VSNL1: variants seen among roughly 807,000 people sequenced by gnomAD.
The protein encoded by VSNL1 is visinin like 1.
VSNL1 carries 6 observed loss-of-function variants against 20.4 expected under a neutral mutation model. The observed-to-expected ratio is 0.29, with a 90% CI of 0.16 to 0.58. The LOEUF (loss-of-function observed/expected upper bound fraction) is 0.58. Ranked by LOEUF, VSNL1 falls within the 20% of genes least tolerant of loss-of-function variation. VSNL1 has a pLI of 0.90. For synonymous variants in VSNL1, 93 were observed against 86.4 expected (o/e 1.08, Z -0.42); for missense variants, 100 against 234.5 (o/e 0.43, Z 3.75).
At chr2:17,621,174 C>T (rs1457787777) in intron 2 of VSNL1, among the ~76,000 whole-genome samples, 1 of 152,136 alleles carries the variant, frequency 6.6e-6, no homozygotes, top group Non-Finnish European at 1.5e-5. Flanking sequence ...TAAAAATCAG[C>T]AGTTTCTTTC....
At chr2:17,652,209 C>G (rs60230255) in intron 3 of VSNL1, among the ~76,000 whole-genome samples, 53,770 of 151,802 alleles carry the variant, frequency 0.35, 10,393 homozygotes, top group African/African-American at 0.48. Flanking sequence ...AAGAGGTTTC[C>G]AGAGGACTGA....
At chr2:17,551,132 G>A (rs544978931) in intron 1 of VSNL1, among the ~76,000 whole-genome samples, 8 of 152,102 alleles carry the variant, frequency 5.3e-5, no homozygotes, top group Non-Finnish European at 1.2e-4. Flanking sequence ...TAATGGCAAA[G>A]CATTTGGGCA....
chr2:17,544,077 C>T (rs1162563783), intron 1 of VSNL1, among the ~76,000 whole-genome samples: 1 of 152,126 alleles, frequency 6.6e-6, no homozygotes, highest in Non-Finnish European at 1.5e-5. Context: ...AAAGGAGGAG[C>T]TTGATGATTG....
intron 1 of VSNL1, among the ~76,000 whole-genome samples, chr2:17,555,727 G>A (rs971185267): frequency 2.0e-5 from 3 of 152,054 alleles, no homozygotes; most frequent in East Asian, 1.9e-4. Context: ...TAAGTAGAAG[G>A]CTCTTGGGTT....
rs1177420634 is a variant in VSNL1, at chr2:17,649,903, A to G, written c.378+278A>G. Among the ~76,000 whole-genome samples the G allele has an allele frequency of 6.6e-6, 1 of 152,158 alleles. No individual in the cohort carries two copies. The highest frequency in any genetic ancestry group is 1.5e-5 in the Non-Finnish European group (1 of 68,022). On this transcript the variant is annotated intron_variant, in intron 3 of 3. Transcript: ENST00000295156. The surrounding 1 kb of genome is among the most constrained non-coding windows in gnomAD (Gnocchi z 6.4). The stretch of plus-strand genomic sequence containing the variant: ...GAACCTGTCTTACTGTGCACACAGG[A>G]TGTCATGGGCTGTTTCTCTGGCACT...
chr2:17,651,204 C>T (rs2103432053), intron 3 of VSNL1, among the ~76,000 whole-genome samples: 1 of 152,312 alleles, frequency 6.6e-6, no homozygotes, highest in Admixed American at 6.5e-5. Context: ...TTGTCAATGC[C>T]CTTCAGCCAA....
At chr2:17,585,495 A>T (rs1412264127) in intron 1 of VSNL1, among the ~76,000 whole-genome samples, 1 of 151,100 alleles carries the variant, frequency 6.6e-6, no homozygotes, top group Non-Finnish European at 1.5e-5. Flanking sequence ...ATAGGATCCA[A>T]GGGGGTGGTG....
At chr2:17,621,609 C>T (rs1665361320) in intron 2 of VSNL1, among the ~76,000 whole-genome samples, 1 of 152,094 alleles carries the variant, frequency 6.6e-6, no homozygotes, top group South Asian at 2.1e-4. Flanking sequence ...TAGGCATGAG[C>T]CACCGTGCCT....
At chr2:17,559,333 T>G (rs924293581) in intron 1 of VSNL1, among the ~76,000 whole-genome samples, 1 of 151,158 alleles carries the variant, frequency 6.6e-6, no homozygotes, top group African/African-American at 2.4e-5. Context: ...GTACTAGTAA[T>G]AAAATTTTAA....
chr2:17,566,870 G>T (rs1663958903), intron 1 of VSNL1, among the ~76,000 whole-genome samples: 1 of 152,052 alleles, frequency 6.6e-6, no homozygotes, highest in Admixed American at 6.5e-5. Context: ...CAGTTTTATT[G>T]AATATATTTT....
At chr2:17,597,199 A>G (rs1315923001) in intron 2 of VSNL1, among the ~76,000 whole-genome samples, 1 of 152,178 alleles carries the variant, frequency 6.6e-6, no homozygotes, top group African/African-American at 2.4e-5. Flanking sequence ...GGATTCTTAG[A>G]CACCGAACTC....
At chr2:17,609,376 A>C (rs1159269474) in intron 2 of VSNL1, among the ~76,000 whole-genome samples, 1 of 152,216 alleles carries the variant, frequency 6.6e-6, no homozygotes, top group Non-Finnish European at 1.5e-5. Flanking sequence ...GCCGCAGAGA[A>C]CACTGGAAAA....
intron 2 of VSNL1, among the ~76,000 whole-genome samples, chr2:17,627,465 G>A (rs1665538887): frequency 6.6e-6 from 1 of 152,200 alleles, no homozygotes; most frequent in Non-Finnish European, 1.5e-5. Flanking sequence ...TGCAGGAGAT[G>A]AGTTTTATTA....
intron 1 of VSNL1, among the ~76,000 whole-genome samples, chr2:17,560,102 A>G (rs1663779117): frequency 6.6e-6 from 1 of 151,694 alleles, no homozygotes; most frequent in Non-Finnish European, 1.5e-5. Context: ...TTTAGGATTA[A>G]AAAATGAAAG....
chr2:17,546,030 A>G (rs573372736), intron 1 of VSNL1: 2 of 152,080 alleles, frequency 1.3e-5, no homozygotes, highest in South Asian at 4.2e-4. Flanking sequence ...CCAGGTGAGC[A>G]TTCTATTTCC....
intron 1 of VSNL1, among the ~76,000 whole-genome samples, chr2:17,584,311 G>C (rs1664417890): frequency 6.6e-6 from 1 of 152,072 alleles, no homozygotes; most frequent in Non-Finnish European, 1.5e-5. Flanking sequence ...ATAGCACCTG[G>C]GTATCAAGTA....
At chr2:17,626,820 G>A (rs756646872) in intron 2 of VSNL1, among the ~76,000 whole-genome samples, 4 of 152,158 alleles carry the variant, frequency 2.6e-5, no homozygotes, top group Non-Finnish European at 5.9e-5. Flanking sequence ...GCCTCACTAA[G>A]ATACTCAGAA....
chr2:17,589,306 C>T (rs375587239), intron 1 of VSNL1, among the ~76,000 whole-genome samples: 1 of 152,110 alleles, frequency 6.6e-6, no homozygotes, highest in Non-Finnish European at 1.5e-5. Context: ...TATAAGTAGG[C>T]AGGACCTGAG....
intron 2 of VSNL1, among the ~76,000 whole-genome samples, chr2:17,616,635 T>C (rs1450606485): frequency 6.6e-6 from 1 of 152,252 alleles, no homozygotes; most frequent in South Asian, 2.1e-4. Context: ...TTGCAGTTAC[T>C]TGTGTGTATG....
Sources: gnomAD v4.1 joint callset for allele counts (sites outside exome capture counted in the v4.1 genomes callset) on GRCh38, gnomAD v4.1.1 for gene constraint, Gnocchi (gnomAD v3.1) non-coding constraint, MANE v1.5 for transcripts, NCBI Gene and HGNC (gene_info 2026-07-23, HGNC 2026-07-21) for gene names.